The following COL14A1 variants were observed in gnomAD, a reference collection of about 807,000 sequenced individuals.
The protein encoded by COL14A1 is collagen type XIV alpha 1 chain, also known as collagen alpha-1(XIV) chain.
In COL14A1, 136 loss-of-function variants were observed where a neutral mutation model predicts 230.3. That is an observed-to-expected ratio of 0.59 (90% CI 0.51 to 0.68). The LOEUF (loss-of-function observed/expected upper bound fraction) is 0.68, where lower values mean the gene tolerates loss of function less well. Ranked by LOEUF, COL14A1 falls within the 30% of genes least tolerant of loss-of-function variation. The pLI is 0.00. For missense variants in COL14A1, 1,976 were observed against 2,215.8 expected, an observed-to-expected ratio of 0.89 and a Z score of 2.17; for synonymous variants, 792 against 784.1, an observed-to-expected ratio of 1.01 and a Z score of -0.17.
At position 120,178,919 on chromosome 8, in the gene COL14A1, G is replaced by GTT. The variant is rs747251498; in HGVS notation, c.436+10681_436+10682dup. Reference sequence around the variant, plus strand: ...TATATCCTTCTCCCACTTTTTGATGGTTTTTTTTTTGTAAATTTGTTTAAG... The same window carrying GTT: ...TATATCCTTCTCCCACTTTTTGATGGTTTTTTTTTTTTGTAAATTTGTTTAAG... On this transcript the variant is annotated intron_variant, in intron 5 of 47. Coordinates refer to ENST00000297848, the MANE Select transcript of COL14A1 (RefSeq NM_021110.4). 6.9e-3 allele frequency among the ~76,000 whole-genome samples: 1,005 copies of GTT among 146,714 alleles called. 8 individuals are homozygous for GTT. Among genetic ancestry groups the GTT allele is most frequent in the Middle Eastern group, 0.021 (6 of 288 alleles).
At chr8:120,298,600 TATATATATATATATATATATATATATA>T (rs1820604674) in intron 35 of COL14A1, among the ~76,000 whole-genome samples, 1 of 38,944 alleles carries the variant, frequency 2.6e-5, no homozygotes, top group African/African-American at 1.0e-4. Context: ...ATATATTTTA[TATATATATATATATATATATATATATA>T]TATATATATA....
chr8:120,208,156 G>A lies in COL14A1; in HGVS notation c.1192-76G>A, dbSNP rs3765062. 699,086 of 1,398,790 alleles carry A rather than the reference G, an allele frequency of 0.5. 178,821 individuals carry two copies. The highest frequency in any genetic ancestry group is 0.72 in the African/African-American group (50,614 of 70,072). 86.6% of individuals were successfully genotyped at this position (1,398,790 alleles called of 1,614,324 possible). ...ATTCAATGAAATATTTTTGCTGGAC[G>A]TATTTTCGCTTTTTGATTTCAATTC... On this transcript the variant is annotated intron_variant, in intron 10 of 47. Coordinates refer to ENST00000297848, the MANE Select transcript of COL14A1 (RefSeq NM_021110.4).
At chr8:120,125,539 G>C (rs961504239) in intron 1 of COL14A1, among the ~76,000 whole-genome samples, 199 bp downstream of exon 1, 2 of 152,152 alleles carry the variant, frequency 1.3e-5, no homozygotes, top group Non-Finnish European at 2.9e-5. Flanking sequence ...CGGGGTTCAC[G>C]GTGTAGGGAG....
At chr8:120,141,269 A>G (rs1814898478) in intron 1 of COL14A1, among the ~76,000 whole-genome samples, 1 of 152,318 alleles carries the variant, frequency 6.6e-6, no homozygotes, top group African/African-American at 2.4e-5. Context: ...TATGCTGGGC[A>G]CAGTGGCTCA....
At chr8:120,143,773 T>C (rs1358022832) in intron 1 of COL14A1, among the ~76,000 whole-genome samples, 2 of 152,018 alleles carry the variant, frequency 1.3e-5, no homozygotes, top group African/African-American at 2.4e-5. Flanking sequence ...ATCCCTCTCA[T>C]GGTGGGAATT....
intron 22 of COL14A1, among the ~76,000 whole-genome samples, chr8:120,253,686 G>T (rs984367440): frequency 6.6e-6 from 1 of 152,202 alleles, no homozygotes; most frequent in Non-Finnish European, 1.5e-5. Context: ...CACTTTGGGA[G>T]GCTGAGGCAG....
intron 4 of COL14A1, among the ~76,000 whole-genome samples, chr8:120,165,878 C>T (rs113085852): frequency 3.9e-5 from 6 of 152,264 alleles, no homozygotes; most frequent in African/African-American, 1.4e-4. Flanking sequence ...GAAGTGGGGG[C>T]ACCCATAAGC....
intron 8 of COL14A1, among the ~76,000 whole-genome samples, chr8:120,201,135 T>A (rs1349335030): frequency 6.6e-6 from 1 of 152,110 alleles, no homozygotes; most frequent in African/African-American, 2.4e-5. Context: ...TTCAAGTAAG[T>A]GATGTATATT....
At chr8:120,291,787 A>G (rs1820384727) in intron 34 of COL14A1, among the ~76,000 whole-genome samples, 1 of 152,020 alleles carries the variant, frequency 6.6e-6, no homozygotes, top group Non-Finnish European at 1.5e-5. Context: ...CCTTTTCTAG[A>G]CTTCTAGCAC....
At chr8:120,360,280 G>A (rs1823147198) in intron 45 of COL14A1, among the ~76,000 whole-genome samples, 1 of 152,146 alleles carries the variant, frequency 6.6e-6, no homozygotes, top group Admixed American at 6.5e-5. Context: ...TACGACTTGG[G>A]GTTCCTCTTG....
At chr8:120,295,782 A>ATG (rs1412655286) in intron 34 of COL14A1, among the ~76,000 whole-genome samples, 2 of 151,858 alleles carry the variant, frequency 1.3e-5, no homozygotes, top group Non-Finnish European at 2.9e-5. Context: ...TCACAACCAC[A>ATG]TGAATAGGTA....
intron 22 of COL14A1, among the ~76,000 whole-genome samples, chr8:120,254,570 T>C (rs1466246962): frequency 6.6e-6 from 1 of 152,128 alleles, no homozygotes; most frequent in Non-Finnish European, 1.5e-5. Flanking sequence ...ATTACATATT[T>C]ATTGTGTAAT....
intron 26 of COL14A1, among the ~76,000 whole-genome samples, chr8:120,272,938 A>G (rs1007206685): frequency 9.9e-5 from 15 of 151,820 alleles, no homozygotes; most frequent in African/African-American, 3.6e-4. Context: ...CTCTAGAACA[A>G]ATGGACCTAA....
chr8:120,249,251 G>C (rs1315305753), intron 21 of COL14A1, among the ~76,000 whole-genome samples: 1 of 151,764 alleles, frequency 6.6e-6, no homozygotes, highest in Non-Finnish European at 1.5e-5. Context: ...TATGGTTCTC[G>C]CCCCATATCA....
intron 5 of COL14A1, among the ~76,000 whole-genome samples, chr8:120,182,707 A>AT (rs1462721362): frequency 1.4e-5 from 2 of 143,604 alleles, no homozygotes; most frequent in East Asian, 2.0e-4. Flanking sequence ...AGCAAACTTA[A>AT]TTTTTTTTAT....
chr8:120,320,808 A>G (rs546506604), intron 40 of COL14A1, among the ~76,000 whole-genome samples: 33 of 152,318 alleles, frequency 2.2e-4, no homozygotes, highest in African/African-American at 7.7e-4. Context: ...TTGAGACTGA[A>G]CAGATTATTT....
intron 10 of COL14A1, among the ~76,000 whole-genome samples, chr8:120,207,610 G>A (rs903890216): frequency 6.6e-6 from 1 of 152,114 alleles, no homozygotes; most frequent in Non-Finnish European, 1.5e-5. Context: ...GGCCAACACA[G>A]GCGAGAACAC....
intron 1 of COL14A1, among the ~76,000 whole-genome samples, chr8:120,144,533 G>T (rs1815023383): frequency 6.6e-6 from 1 of 152,022 alleles, no homozygotes; most frequent in Non-Finnish European, 1.5e-5. Context: ...AAAAAGACAA[G>T]AACTTTTAAA....
In COL14A1 at chr8:120,301,521, A is replaced by C. The variant is rs139311777; in HGVS notation, c.4401+703A>C. Among the ~76,000 whole-genome samples, 4 of 152,254 alleles carry C rather than the reference A, an allele frequency of 2.6e-5. No individual in the cohort carries two copies. The East Asian group carries it at 7.7e-4, about 29-fold the overall frequency. On this transcript the variant is annotated intron_variant, in intron 36 of 47. Transcript: ENST00000297848. ...CCTCCTGCTCCATCCATGTTCCCAC[A>C]AAAGACATGATCTTGATCTTTTTTA... is the stretch of plus-strand genomic sequence containing the variant.
Sources: gnomAD v4.1 joint callset for allele counts (sites outside exome capture counted in the v4.1 genomes callset) on GRCh38, gnomAD v4.1.1 for gene constraint, MANE v1.5 for transcripts, NCBI Gene and HGNC (gene_info 2026-07-23, HGNC 2026-07-21) for gene names.